ATOH8: variants seen among roughly 807,000 people sequenced by gnomAD.
ATOH8 encodes the protein atonal bHLH transcription factor 8.
In ATOH8, 9 loss-of-function variants were observed where a neutral mutation model predicts 21.2. The observed-to-expected ratio is 0.42, with a 90% confidence interval of 0.26 to 0.74. ATOH8 has a LOEUF of 0.74. ATOH8 is among the 30% of genes least tolerant of loss of function. The pLI, the probability that ATOH8 is intolerant of heterozygous loss-of-function variation, is 0.24. For synonymous variants in ATOH8, 253 were observed against 224.0 expected, an observed-to-expected ratio of 1.13 and a Z score of -1.16; for missense variants, 524 against 470.9, an observed-to-expected ratio of 1.11 and a Z score of -1.04.
At chr2:85,783,838 ACCCCCACATGCACCCCCCGC>A (rs1558618653) in intron 2 of ATOH8, among the ~76,000 whole-genome samples, 1 of 148,542 alleles carries the variant, frequency 6.7e-6, no homozygotes, top group Non-Finnish European at 1.5e-5. Flanking sequence ...GCAATTATGC[ACCCCCACATGCACCCCCCGC>A]CCCCCACACA....
chr2:85,764,608 G>C (rs1679956845), intron 2 of ATOH8, among the ~76,000 whole-genome samples: 1 of 152,208 alleles, frequency 6.6e-6, no homozygotes. Context: ...GACTTGGCCT[G>C]TGGGTTATCT....
At chr2:85,755,052 G>A in intron 1 of ATOH8, 95 bp downstream of exon 1, 2 of 1,438,112 alleles carry the variant, frequency 1.4e-6, no homozygotes, top group Middle Eastern at 2.5e-4. Flanking sequence ...TGTGTTTAAG[G>A]GGCAAGCTGC....
rs1296751562 is a variant in ATOH8, at chr2:85,754,829, C to G, written c.640C>G (p.Pro214Ala). The part of the protein sequence containing the change: ...QDSSASPRKR[P>A]GEATAASSEI... Reference sequence around the variant, plus strand: ...TTCCTCCGCGTCGCCTAGGAAACGACCGGGCGAAGCGACTGCCGCCTCCTC... The same window carrying G: ...TTCCTCCGCGTCGCCTAGGAAACGAGCGGGCGAAGCGACTGCCGCCTCCTC... The change falls in exon 1 of 3, where the codon CCG becomes GCG. Residue 214 changes from proline to alanine, a missense_variant. By Grantham distance (27) the Pro-to-Ala change is conservative (BLOSUM62 -1). Coordinates refer to ENST00000306279, the MANE Select transcript of ATOH8 (RefSeq NM_032827.7). The G allele has an allele frequency of 1.9e-6, 3 of 1,612,716 alleles. No homozygotes were observed. The highest frequency in any genetic ancestry group is 2.5e-6 in the Non-Finnish European group (3 of 1,179,916).
In ATOH8 at chr2:85,766,693, C is replaced by A. The variant is rs139548548; in HGVS notation, c.960+2511C>A. Among the ~76,000 whole-genome samples the A allele has an allele frequency of 6.6e-6, 1 of 152,322 alleles. No individual in the cohort carries two copies. The highest frequency in any genetic ancestry group is 6.5e-5 in the Admixed American group (1 of 15,302). ...GCCAGATTCCTTTCCAGCTCAGGAC[C>A]CCTGGAGTCGCTGGAGCCTTCGAGC... On this transcript the variant is annotated intron_variant, in intron 2 of 2. Transcript: ENST00000306279. This position sits in a 1 kb window ranked among gnomAD's most constrained non-coding sequence, Gnocchi z 4.0.
In ATOH8 at chr2:85,777,574, A is replaced by G. The variant is rs140431158; in HGVS notation, c.961-9311A>G. Among the ~76,000 whole-genome samples, 532 of 152,334 alleles carry G rather than the reference A, an allele frequency of 3.5e-3. 1 individual carries two copies. The highest frequency in any genetic ancestry group is 0.012 in the African/African-American group (484 of 41,578). On this transcript the variant is annotated intron_variant, in intron 2 of 2. Coordinates refer to ENST00000306279, the MANE Select transcript of ATOH8 (RefSeq NM_032827.7). ...ACTTGACCTTGAGTTGTCAAGAGGAAGCTAAAGTACATCCAGTAATGTCGG... is the reference window on the plus strand; with the variant it reads ...ACTTGACCTTGAGTTGTCAAGAGGAGGCTAAAGTACATCCAGTAATGTCGG...
rs1192902053 is a variant in ATOH8 at position 85,785,173 on chromosome 2, G to T, written c.961-1712G>T. ...CCCCTTCTTCCTCAGGCCACGGGCAGGCTGAACAAGAGAAAAACCTTTTCT... is the reference window on the plus strand; with the variant it reads ...CCCCTTCTTCCTCAGGCCACGGGCATGCTGAACAAGAGAAAAACCTTTTCT... On this transcript the variant is annotated intron_variant, in intron 2 of 2. Transcript: ENST00000306279. The surrounding 1 kb of genome is among the most constrained non-coding windows in gnomAD (Gnocchi z 4.1). Among the ~76,000 whole-genome samples, 1 of 152,256 alleles carries T rather than the reference G, an allele frequency of 6.6e-6. No individual in the cohort carries two copies. The highest frequency in any genetic ancestry group is 1.5e-5 in the Non-Finnish European group (1 of 68,042).
intron 2 of ATOH8, chr2:85,781,072 G>T (rs1044102873): frequency 1.0e-6 from 1 of 987,948 alleles, no homozygotes; most frequent in Non-Finnish European, 1.2e-6. Context: ...TCTGTCAAAC[G>T]CAAGGATGTC....
chr2:85,776,907 G>A (rs182008280), intron 2 of ATOH8, among the ~76,000 whole-genome samples: 1 of 152,000 alleles, frequency 6.6e-6, no homozygotes, highest in African/African-American at 2.4e-5. Context: ...CTCCCGCCTC[G>A]CTTTCCTGCC....
At position 85,776,580 on chromosome 2, in the gene ATOH8, C is replaced by T. The variant is rs75268630; in HGVS notation, c.961-10305C>T. Among the ~76,000 whole-genome samples, 513 of 152,232 alleles carry T rather than the reference C, an allele frequency of 3.4e-3. 3 individuals are homozygous for T. Among genetic ancestry groups the T allele is most frequent in the Middle Eastern group, 0.02 (6 of 294 alleles). On this transcript the variant is annotated intron_variant, in intron 2 of 2. Transcript: ENST00000306279. The stretch of plus-strand genomic sequence containing the variant: ...GCATGCACACACGCAGGTGTGCTGG[C>T]GCGTCCGTAGGCACCGTCTGCTGGG...
rs769783868 is a variant in ATOH8, at chr2:85,790,684, G to C, written c.*3794G>C. 1.3e-5 allele frequency among the ~76,000 whole-genome samples: 2 copies of C among 152,240 alleles called. No individual in the cohort carries two copies. Among genetic ancestry groups the C allele is most frequent in the African/African-American group, 2.4e-5 (1 of 41,468 alleles). On this transcript the variant is annotated 3_prime_UTR_variant, in exon 3 of 3. Transcript: ENST00000306279. ...GGTCCCAGGGGCTGGGAACTGGGTA[G>C]CATTGCCATGTGCAGGGACTGTGTT...
chr2:85,754,798 C>T lies in ATOH8; in HGVS notation c.609C>T (p.His203=), dbSNP rs1278627966. ...SSISHVIYNN[H]QDSSASPRKR... ...TTTCACACGTAATTTACAATAACCA[C>T]CAGGATTCCTCCGCGTCGCCTAGGA... The change falls in exon 1 of 3, where the codon CAC becomes CAT. Residue 203 remains histidine (H), a synonymous_variant. Transcript: ENST00000306279. 1.9e-6 allele frequency: 3 copies of T among 1,612,832 alleles called. No individual in the cohort carries two copies. The highest frequency in any genetic ancestry group is 2.5e-6 in the Non-Finnish European group (3 of 1,179,904).
chr2:85,764,141 A>C lies in ATOH8; in HGVS notation c.919A>C (p.Thr307Pro). The change falls in exon 2 of 3, where the codon ACC (threonine) becomes CCC (proline). Residue 307 changes from threonine (T) to proline (P), a missense_variant. Thr to Pro is a conservative substitution (Grantham distance 38, BLOSUM62 -1). Coordinates refer to ENST00000306279, the MANE Select transcript of ATOH8 (RefSeq NM_032827.7). ...CTTCTCCGAGTGTGTGCAGCGCTGC[A>C]CCCGCACCCTGCAGGCCGAGGGACG... Reference protein sequence around the residue: ...LSFSECVQRCTRTLQAEGRAK... With the variant: ...LSFSECVQRCPRTLQAEGRAK... The C allele has an allele frequency of 6.2e-7, 1 of 1,614,040 alleles. No individual in the cohort carries two copies. The highest frequency in any genetic ancestry group is 2.2e-5 in the East Asian group (1 of 44,868).
At chr2:85,759,251 A>G (rs1252172280) in intron 1 of ATOH8, among the ~76,000 whole-genome samples, 1 of 152,168 alleles carries the variant, frequency 6.6e-6, no homozygotes, top group African/African-American at 2.4e-5. Flanking sequence ...AGCAGCCTGT[A>G]CACCATCCTC....
chr2:85,775,141 A>G, intron 2 of ATOH8: 2 of 924,408 alleles, frequency 2.2e-6, no homozygotes, highest in Non-Finnish European at 2.6e-6. Flanking sequence ...GTGACATAGG[A>G]TGCGATGTGA....
chr2:85,755,096 G>C, intron 1 of ATOH8, 139 bp downstream of exon 1: 3 of 1,191,206 alleles, frequency 2.5e-6, no homozygotes, highest in Non-Finnish European at 3.4e-6. Flanking sequence ...CCAGACAGGT[G>C]TGGGCAGTCC....
intron 2 of ATOH8, among the ~76,000 whole-genome samples, chr2:85,768,920 C>CT (rs1217787813): frequency 1.3e-5 from 2 of 152,170 alleles, no homozygotes; most frequent in African/African-American, 4.8e-5. Context: ...GGCGGGAGGC[C>CT]TGGAAGGACT....
rs1398676442 is a variant in ATOH8, at chr2:85,754,499, G to A, written c.310G>A (p.Val104Ile). 1 of 1,433,406 alleles carries A rather than the reference G, an allele frequency of 7.0e-7. No individual in the cohort carries two copies. The highest frequency in any genetic ancestry group is 9.1e-7 in the Non-Finnish European group (1 of 1,103,346). The allele number at this position is 1,433,406 out of a possible 1,614,324, so 88.8% of individuals were successfully genotyped here. A position where few individuals can be genotyped will look rare whatever the true frequency, so the allele number is the denominator to read the frequency against. The change falls in exon 1 of 3, where the codon GTC (valine) becomes ATC (isoleucine). Residue 104 changes from valine to isoleucine, a missense_variant. Val to Ile is a conservative substitution (Grantham distance 29, BLOSUM62 3). Coordinates refer to ENST00000306279, the MANE Select transcript of ATOH8 (RefSeq NM_032827.7). ...GCGCGGGGGCTCTCGGGCGCCCGAGGTCTCCGACGCGCGGAAACGCTGCTT... is the reference window on the plus strand; with the variant it reads ...GCGCGGGGGCTCTCGGGCGCCCGAGATCTCCGACGCGCGGAAACGCTGCTT... ...GERGGSRAPE[V>I]SDARKRCFAL...
chr2:85,777,974 C>T (rs1680374885), intron 2 of ATOH8, among the ~76,000 whole-genome samples: 4 of 152,202 alleles, frequency 2.6e-5, no homozygotes, highest in African/African-American at 9.6e-5. Flanking sequence ...TCTTGAGTTG[C>T]TGATGGGTAA....
intron 2 of ATOH8, 134 bp from the exon 3 acceptor site, chr2:85,786,751 C>T: frequency 1.7e-6 from 2 of 1,171,470 alleles, no homozygotes; most frequent in Non-Finnish European, 2.5e-6. Context: ...AATCCTGGCT[C>T]TTCCACTTAT....
Sources: allele counts gnomAD v4.1 joint callset (sites outside exome capture counted in the v4.1 genomes callset), GRCh38; gene constraint gnomAD v4.1.1; non-coding constraint Gnocchi (gnomAD v3.1); transcripts MANE v1.5; gene names NCBI Gene and HGNC (gene_info 2026-07-23, HGNC 2026-07-21).